HACE1: variants seen among roughly 807,000 people sequenced by gnomAD.
HACE1 encodes the protein E3 ubiquitin-protein ligase HACE1.
In HACE1, 73 loss-of-function variants were observed where a neutral mutation model predicts 118.4. The observed-to-expected ratio is 0.62, with a 90% CI of 0.51 to 0.75. The LOEUF (loss-of-function observed/expected upper bound fraction) is 0.75, where lower values mean the gene tolerates loss of function less well. Ranked by LOEUF, HACE1 falls within the 30% of genes least tolerant of loss-of-function variation. HACE1 has a pLI of 0.00. For synonymous variants in HACE1, 368 were observed against 374.8 expected (o/e 0.98, Z 0.21); for missense variants, 749 against 1,102.2 (o/e 0.68, Z 4.54).
chr6:104,737,686 G>A (rs1776063510), intron 22 of HACE1, among the ~76,000 whole-genome samples: 1 of 152,180 alleles, frequency 6.6e-6, no homozygotes, highest in African/African-American at 2.4e-5. Context: ...CTACCCCACG[G>A]AGTCTCGCTG....
chr6:104,739,578 A>T (rs968046001), intron 22 of HACE1, among the ~76,000 whole-genome samples: 10 of 152,244 alleles, frequency 6.6e-5, no homozygotes, highest in African/African-American at 2.2e-4. Context: ...GAAGGCCATT[A>T]CATAATGATA....
intron 19 of HACE1, among the ~76,000 whole-genome samples, chr6:104,762,760 G>A (rs1779527501): frequency 6.6e-6 from 1 of 151,980 alleles, no homozygotes. Context: ...GGAGGCCGAG[G>A]CAGGCAGATC....
At chr6:104,777,778 G>A (rs1175004597) in intron 14 of HACE1, among the ~76,000 whole-genome samples, 1 of 151,948 alleles carries the variant, frequency 6.6e-6, no homozygotes, top group Non-Finnish European at 1.5e-5. Context: ...TTGTCATTTT[G>A]AGACAAAGTC....
At chr6:104,773,780 A>T (rs1780885711) in intron 17 of HACE1, among the ~76,000 whole-genome samples, 2 of 151,744 alleles carry the variant, frequency 1.3e-5, no homozygotes, top group African/African-American at 4.8e-5. Flanking sequence ...TTAAAAAAAA[A>T]AAAGGAAACA....
intron 7 of HACE1, among the ~76,000 whole-genome samples, chr6:104,800,565 T>C (rs541222596): frequency 2.0e-5 from 3 of 152,184 alleles, no homozygotes; most frequent in Non-Finnish European, 2.9e-5. Context: ...CTGCTGGTGA[T>C]ACCCAGGCAA....
At chr6:104,739,613 C>T (rs1157925786) in intron 22 of HACE1, among the ~76,000 whole-genome samples, 1 of 151,962 alleles carries the variant, frequency 6.6e-6, no homozygotes, top group Admixed American at 6.6e-5. Context: ...ACAAGAAGAG[C>T]TAACTATCCT....
chr6:104,731,513 A>G (rs1455397890), intron 22 of HACE1: 1 of 152,088 alleles, frequency 6.6e-6, no homozygotes, highest in African/African-American at 2.4e-5. Context: ...CTGCCAAGAA[A>G]AGAGACATAT....
intron 22 of HACE1, among the ~76,000 whole-genome samples, chr6:104,740,407 T>A (rs1184676414): frequency 6.6e-6 from 1 of 151,766 alleles, no homozygotes; most frequent in Non-Finnish European, 1.5e-5. Context: ...TCAACAAAAT[T>A]GATAGACCGC....
intron 6 of HACE1, among the ~76,000 whole-genome samples, chr6:104,822,632 G>C (rs148528324): frequency 1.3e-5 from 2 of 151,908 alleles, no homozygotes; most frequent in African/African-American, 2.4e-5. Flanking sequence ...CGAGGCAGTC[G>C]GATCACTAGA....
intron 19 of HACE1, among the ~76,000 whole-genome samples, chr6:104,765,717 G>A (rs745694980): frequency 2.0e-5 from 3 of 151,976 alleles, no homozygotes; most frequent in Non-Finnish European, 2.9e-5. Context: ...GTTTATGATC[G>A]GCATACCATT....
chr6:104,739,474 C>T (rs9499942), intron 22 of HACE1, among the ~76,000 whole-genome samples: 33,264 of 151,766 alleles, frequency 0.22, 3,798 homozygotes, highest in African/African-American at 0.29. Flanking sequence ...GGAGGATGAT[C>T]TACCAAGCAA....
intron 7 of HACE1, 103 bp downstream of exon 7, chr6:104,811,208 T>A (rs1771555855): frequency 4.5e-6 from 1 of 220,190 alleles, no homozygotes. Context: ...AAATAGAGTA[T>A]TATATACATC....
In HACE1 at chr6:104,728,531, A is replaced by G. The variant is rs1477451870; in HGVS notation, c.*1131T>C. The G allele has an allele frequency of 6.6e-6, 1 of 152,202 alleles. No homozygotes were observed. The highest frequency in any genetic ancestry group is 1.5e-5 in the Non-Finnish European group (1 of 68,016). 9.4% of individuals were successfully genotyped at this position (152,202 alleles called of 1,614,324 possible). On this transcript the variant is annotated 3_prime_UTR_variant, in exon 24 of 24. Coordinates refer to ENST00000262903, the MANE Select transcript of HACE1 (RefSeq NM_020771.4). ...TCTCTCAAACATTACTGGCAAACAC[A>G]ATGACTGCTTATGAGAAAATCTGCA...
intron 7 of HACE1, among the ~76,000 whole-genome samples, chr6:104,804,218 C>T (rs553957959): frequency 2.0e-4 from 30 of 152,216 alleles, no homozygotes; most frequent in Middle Eastern, 3.4e-3. Flanking sequence ...TAAAAGAGGA[C>T]ACAAACAAAT....
chr6:104,779,343 TA>T (rs1203951457), intron 14 of HACE1, among the ~76,000 whole-genome samples: 1 of 152,220 alleles, frequency 6.6e-6, no homozygotes, highest in Non-Finnish European at 1.5e-5. Flanking sequence ...AGGTTTGTTT[TA>T]AAAGATTCAA....
chr6:104,753,105 A>C (rs536128453), intron 19 of HACE1, among the ~76,000 whole-genome samples: 49 of 152,222 alleles, frequency 3.2e-4, no homozygotes, highest in Non-Finnish European at 6.6e-4. Flanking sequence ...AAACATAATA[A>C]AACAAATTAA....
intron 5 of HACE1, among the ~76,000 whole-genome samples, chr6:104,833,575 G>A (rs1774220201): frequency 6.6e-6 from 1 of 152,148 alleles, no homozygotes; most frequent in Non-Finnish European, 1.5e-5. Flanking sequence ...TCCAAGTGGT[G>A]ACTCACGTTT....
At chr6:104,752,657 T>C (rs1464656094) in intron 19 of HACE1, among the ~76,000 whole-genome samples, 2 of 152,106 alleles carry the variant, frequency 1.3e-5, no homozygotes, top group African/African-American at 4.8e-5. Context: ...GTTACCTATT[T>C]TAATTGCATT....
chr6:104,806,945 G>C (rs886920046), intron 7 of HACE1, among the ~76,000 whole-genome samples: 1 of 151,904 alleles, frequency 6.6e-6, no homozygotes, highest in African/African-American at 2.4e-5. Flanking sequence ...TATTGGGAAT[G>C]GCGTATGAAA....
Sources: gnomAD v4.1 joint callset for allele counts (sites outside exome capture counted in the v4.1 genomes callset) on GRCh38, gnomAD v4.1.1 for gene constraint, MANE v1.5 for transcripts, NCBI Gene and HGNC (gene_info 2026-07-23, HGNC 2026-07-21) for gene names.